Variants in UBR4 observed in about 807,000 individuals in gnomAD.
UBR4 encodes the protein E3 ubiquitin-protein ligase UBR4.
UBR4 carries 124 observed loss-of-function variants against 575.6 expected under a neutral mutation model. The observed-to-expected ratio is 0.22, with a 90% CI of 0.19 to 0.25. The LOEUF (loss-of-function observed/expected upper bound fraction) is 0.25, where lower values mean the gene tolerates loss of function less well. Ranked by LOEUF, UBR4 falls within the 10% of genes least tolerant of loss-of-function variation. UBR4 has a pLI of 1.00. For missense variants in UBR4, 4,818 were observed against 6,478.8 expected (o/e 0.74, Z 8.80); for synonymous variants, 2,455 against 2,473.7 (o/e 0.99, Z 0.22).
chr1:19,082,939 A>G (rs138494416), intron 102 of UBR4, among the ~76,000 whole-genome samples: 6 of 152,292 alleles, frequency 3.9e-5, no homozygotes, highest in African/African-American at 9.6e-5. Flanking sequence ...ACCAATGTCA[A>G]TTGGATAGCT....
At chr1:19,080,785 T>A (rs1292666851) in intron 103 of UBR4, 1 of 152,756 alleles carries the variant, frequency 6.5e-6, no homozygotes, top group African/African-American at 2.4e-5. Context: ...AGACCATCTG[T>A]CCCAAATCAC....
intron 75 of UBR4, 73 bp downstream of exon 75, chr1:19,114,733 GTGCAC>G: frequency 1.3e-6 from 2 of 1,551,574 alleles, no homozygotes. Context: ...AGAAAGTAAA[GTGCAC>G]TGCACTGCAC....
In UBR4 at chr1:19,176,711, A is replaced by C. The variant is rs754848694; in HGVS notation, c.2654T>G (p.Leu885Arg). Residue 885 changes from leucine to arginine, a missense_variant, in exon 20 of 106, where the codon CTA (leucine) becomes CGA (arginine). Coordinates refer to ENST00000375254, the MANE Select transcript of UBR4 (RefSeq NM_020765.3). ...YLFEQVQHNL[L>R]SPPFGWASGS... is the part of the protein sequence containing the mutation. Reference sequence around the variant, plus strand: ...ACTTGCCCACCCAAAGGGAGGACTTAGCAGGTTATGCTGTACCTTTTAAAA... The same window carrying C: ...ACTTGCCCACCCAAAGGGAGGACTTCGCAGGTTATGCTGTACCTTTTAAAA... 1 of 1,614,120 alleles carries C rather than the reference A, an allele frequency of 6.2e-7. No individual in the cohort carries two copies. The highest frequency in any genetic ancestry group is 1.1e-5 in the South Asian group (1 of 91,078).
chr1:19,077,919 A>G, intron 104 of UBR4, 57 bp downstream of exon 104: 1 of 1,612,698 alleles, frequency 6.2e-7, no homozygotes, highest in Non-Finnish European at 8.5e-7. Context: ...CAGGGACAGG[A>G]GTGCAGACAT....
chr1:19,097,142 G>A (rs755203071), intron 91 of UBR4, 51 bp downstream of exon 91: 1 of 1,518,326 alleles, frequency 6.6e-7, no homozygotes, highest in Non-Finnish European at 8.9e-7. Context: ...TGGGACGTGA[G>A]CCGCTCATGA....
chr1:19,186,544 G>A lies in UBR4; in HGVS notation c.1746C>T (p.Ser582=). 6.2e-7 allele frequency: 1 copy of A among 1,613,768 alleles called. No individual in the cohort carries two copies. Among genetic ancestry groups the A allele is most frequent in the Non-Finnish European group, 8.5e-7 (1 of 1,179,826 alleles). The part of the protein sequence containing the change: ...DDFSSTEEDS[S]QDDDSEPILG... ...AGAGAAAAGAGCGGCCTCTACCTTG[G>A]CTGCTGTCCTCCTCCGTGCTACTGA... Residue 582 remains serine (S), a synonymous_variant, in exon 14 of 106, where the codon AGC becomes AGT. Transcript: ENST00000375254.
chr1:19,174,192 C>G, intron 22 of UBR4, 127 bp downstream of exon 22: 1 of 1,238,376 alleles, frequency 8.1e-7, no homozygotes, highest in Non-Finnish European at 1.1e-6. Flanking sequence ...CCTAGAAATA[C>G]TCAAGTATCA....
chr1:19,105,870 T>C (rs373986619), intron 83 of UBR4, 28 bp from the exon 84 acceptor site: 12 of 1,520,410 alleles, frequency 7.9e-6, no homozygotes, highest in African/African-American at 5.6e-5. Flanking sequence ...GAAGGGGTCG[T>C]AGACTCAGAG....
intron 57 of UBR4, 30 bp from the exon 58 acceptor site, chr1:19,140,922 A>G: frequency 6.3e-7 from 1 of 1,577,238 alleles, no homozygotes; most frequent in Non-Finnish European, 8.6e-7. Context: ...TGAGCACAAC[A>G]TCCCCTCCAG....
chr1:19,083,650 TCA>T (rs1557490693), intron 102 of UBR4, among the ~76,000 whole-genome samples: 1 of 152,184 alleles, frequency 6.6e-6, no homozygotes, highest in African/African-American at 2.4e-5. Context: ...TCCTCTCACC[TCA>T]GTCTCCCGAA....
chr1:19,089,125 G>C lies in UBR4; in HGVS notation c.14212-148C>G. 1.3e-6 allele frequency: 1 copy of C among 768,264 alleles called. No homozygotes were observed. Among genetic ancestry groups the C allele is most frequent in the Non-Finnish European group, 2.1e-6 (1 of 479,508 alleles). 47.6% of individuals were successfully genotyped at this position (768,264 alleles called of 1,614,324 possible). A position where few individuals can be genotyped will look rare whatever the true frequency, so the allele number is the denominator to read the frequency against. ...ATCAGGTCCTTTGATTCCACACTTTGACAGACACAGACAAATGGAAGAGGG... is the reference window on the plus strand; with the variant it reads ...ATCAGGTCCTTTGATTCCACACTTTCACAGACACAGACAAATGGAAGAGGG... On this transcript the variant is annotated intron_variant, in intron 97 of 105. Transcript: ENST00000375254. This position sits in a 1 kb window ranked among gnomAD's most constrained non-coding sequence, Gnocchi z 4.3.
chr1:19,169,076 C>CA lies in UBR4; in HGVS notation c.3741+358dup, dbSNP rs1477483665. Among the ~76,000 whole-genome samples the CA allele has an allele frequency of 2.6e-5, 4 of 151,950 alleles. No individual in the cohort carries two copies. In the East Asian group the frequency reaches 7.7e-4, roughly 29 times the overall value. On this transcript the variant is annotated intron_variant, in intron 27 of 105. Transcript: ENST00000375254. ...ACAAAAGGAGCAGGTTCCTGACATA[C>CA]AACCTACAAAGGAAACAGAGTTAAC...
intron 83 of UBR4, among the ~76,000 whole-genome samples, chr1:19,106,294 A>G (rs1217163572): frequency 6.6e-6 from 1 of 152,180 alleles, no homozygotes; most frequent in African/African-American, 2.4e-5. Context: ...GATACGAAAA[A>G]TGGAAGGAGA....
chr1:19,130,255 G>C (rs981517094), intron 60 of UBR4, among the ~76,000 whole-genome samples: 2 of 152,186 alleles, frequency 1.3e-5, no homozygotes, highest in Non-Finnish European at 2.9e-5. Flanking sequence ...ATACAAGTCT[G>C]GATGAAAGTA....
intron 87 of UBR4, among the ~76,000 whole-genome samples, chr1:19,103,847 T>C (rs917045496): frequency 6.6e-6 from 1 of 152,230 alleles, no homozygotes; most frequent in Non-Finnish European, 1.5e-5. Flanking sequence ...GAGAGAGCCT[T>C]TGACCTTGCA....
At chr1:19,134,587 G>A (rs371665423) in intron 60 of UBR4, among the ~76,000 whole-genome samples, 1 of 152,268 alleles carries the variant, frequency 6.6e-6, no homozygotes. Flanking sequence ...AAAAGTTAAG[G>A]CCAAGATGTT....
At chr1:19,151,601 T>C in intron 48 of UBR4, 42 bp downstream of exon 48, 1 of 1,608,476 alleles carries the variant, frequency 6.2e-7, no homozygotes. Flanking sequence ...AATTTCGCAG[T>C]CACAATGAGG....
rs553452175 is a variant in UBR4, at chr1:19,155,540, A to G, written c.6201T>C (p.Ala2067=). 3 of 1,614,226 alleles carry G rather than the reference A, an allele frequency of 1.9e-6. No individual in the cohort carries two copies. The African/African-American group carries it at 4.0e-5, about 22-fold the overall frequency. Residue 2067 remains alanine (A), a synonymous_variant, in exon 43 of 106, where the codon GCT becomes GCC. Transcript: ENST00000375254. The part of the protein sequence containing the change: ...GKNIIVIMSS[A]GYIYTQLMEE... Reference sequence around the variant, plus strand: ...CCATAAGCTGAGTATAGATGTACCCAGCCGAAGACATTATAACAATGATGT... The same window carrying G: ...CCATAAGCTGAGTATAGATGTACCCGGCCGAAGACATTATAACAATGATGT...
At chr1:19,182,787 A>G (rs1206039149) in intron 17 of UBR4, among the ~76,000 whole-genome samples, 1 of 152,254 alleles carries the variant, frequency 6.6e-6, no homozygotes, top group Non-Finnish European at 1.5e-5. Context: ...ATACAGTACT[A>G]TATCATACTA....
Sources: gnomAD v4.1 joint callset for allele counts (sites outside exome capture counted in the v4.1 genomes callset) on GRCh38, gnomAD v4.1.1 for gene constraint, Gnocchi (gnomAD v3.1) non-coding constraint, MANE v1.5 for transcripts, NCBI Gene and HGNC (gene_info 2026-07-23, HGNC 2026-07-21) for gene names.